DMD: variants seen among roughly 807,000 people sequenced by gnomAD.
DMD encodes dystrophin.
In DMD, 63 loss-of-function variants were observed where a neutral mutation model predicts 330.1. The observed-to-expected ratio is 0.19, with a 90% CI of 0.16 to 0.24. DMD has a LOEUF of 0.24. DMD is among the 10% of genes least tolerant of loss of function. The pLI, the probability that DMD is intolerant of heterozygous loss-of-function variation, is 1.00. For missense variants in DMD, 3,344 were observed against 2,684.1 expected (o/e 1.25, Z -5.43); for synonymous variants, 1,223 against 959.8 (o/e 1.27, Z -5.07).
chrX:32,973,528 ATG>A (rs1202988389), intron 2 of DMD, among the ~76,000 whole-genome samples: 26 of 111,828 alleles, frequency 2.3e-4, no homozygotes, highest in African/African-American at 8.1e-4. Flanking sequence ...ACCATAGAAA[ATG>A]TGTGAGTATC....
At chrX:32,200,080 T>A (rs1395233497) in intron 44 of DMD, among the ~76,000 whole-genome samples, 5 of 111,253 alleles carry the variant, frequency 4.5e-5, no homozygotes, top group Non-Finnish European at 9.4e-5. Context: ...GCTGTTTATA[T>A]ATCTGTTTTC....
chrX:32,449,791 C>T (rs897649531), intron 26 of DMD, among the ~76,000 whole-genome samples: 4 of 110,184 alleles, frequency 3.6e-5, no homozygotes, highest in African/African-American at 1.3e-4. Flanking sequence ...GTCTGTGTTC[C>T]TCCAGGGGTC....
intron 54 of DMD, among the ~76,000 whole-genome samples, chrX:31,643,974 G>A (rs1603436049): frequency 8.9e-6 from 1 of 111,889 alleles, no homozygotes; most frequent in Middle Eastern, 4.7e-3. Context: ...GTCAGTATCA[G>A]TATTTTCACC....
Position 33,125,255 on chromosome X carries a change from T to A in DMD, c.31+86027A>T, listed in dbSNP as rs903682803. Among the ~76,000 whole-genome samples, 10 of 110,774 alleles carry A rather than the reference T, an allele frequency of 9.0e-5. 1 individual carries two copies. The highest frequency in any genetic ancestry group is 5.8e-4 in the Admixed American group (6 of 10,283). The stretch of plus-strand genomic sequence containing the variant: ...TCCATCTTATCAAACTGGAATAACA[T>A]CTGAATTAAAATAATGTGACATTGT... On this transcript the variant is annotated intron_variant, in intron 1 of 78. Transcript: ENST00000357033.
intron 62 of DMD, among the ~76,000 whole-genome samples, chrX:31,323,238 G>A (rs184735111): frequency 6.3e-5 from 7 of 111,616 alleles, no homozygotes; most frequent in African/African-American, 2.0e-4. Context: ...TATCTTTGAC[G>A]GAAGAAGAAA....
chrX:32,252,773 AAT>A (rs1409033219), intron 43 of DMD, among the ~76,000 whole-genome samples: 448 of 35,613 alleles, frequency 0.013, 20 homozygotes, highest in African/African-American at 0.021. Context: ...AATATATATA[AAT>A]ATATATAAAT....
At chrX:32,173,653 G>A (rs1281683937) in intron 44 of DMD, among the ~76,000 whole-genome samples, 2 of 111,494 alleles carry the variant, frequency 1.8e-5, no homozygotes, top group African/African-American at 3.3e-5. Context: ...TTACAGGTGT[G>A]AGCCACCGCA....
At chrX:31,793,831 A>C (rs775042999) in intron 50 of DMD, among the ~76,000 whole-genome samples, 151 of 112,151 alleles carry the variant, frequency 1.3e-3, no homozygotes, top group African/African-American at 4.8e-3. Flanking sequence ...ATATTTCTTT[A>C]TTTCTCAGGC....
chrX:32,475,898 G>C (rs766246643), intron 21 of DMD, among the ~76,000 whole-genome samples: 1 of 110,844 alleles, frequency 9.0e-6, no homozygotes, highest in African/African-American at 3.3e-5. Flanking sequence ...GCTCTGGCTA[G>C]GACTTCTAGT....
At chrX:32,436,259 T>C (rs570092362) in intron 29 of DMD, among the ~76,000 whole-genome samples, 1 of 111,894 alleles carries the variant, frequency 8.9e-6, no homozygotes, top group Non-Finnish European at 1.9e-5. Context: ...TTTTATTTCC[T>C]ATTAAAAATT....
intron 55 of DMD, among the ~76,000 whole-genome samples, chrX:31,546,834 C>T (rs900980895): frequency 5.4e-5 from 6 of 112,070 alleles, no homozygotes; most frequent in African/African-American, 1.9e-4. Flanking sequence ...TCTTATTAAT[C>T]TTCATATCTC....
chrX:31,651,670 C>T (rs1332014728), intron 54 of DMD, among the ~76,000 whole-genome samples: 1 of 111,236 alleles, frequency 9.0e-6, no homozygotes, highest in Non-Finnish European at 1.9e-5. Flanking sequence ...GTTGCTCAGG[C>T]TAAAAATTCT....
At chrX:33,001,568 A>C (rs1433927033) in intron 2 of DMD, among the ~76,000 whole-genome samples, 1 of 111,768 alleles carries the variant, frequency 8.9e-6, no homozygotes, top group Non-Finnish European at 1.9e-5. Flanking sequence ...TTTTCTTTTG[A>C]AGAGAAAATG....
chrX:33,126,552 G>A (rs747575336), intron 1 of DMD, among the ~76,000 whole-genome samples: 6 of 111,838 alleles, frequency 5.4e-5, no homozygotes, highest in South Asian at 3.7e-4. Context: ...CTAATCTATC[G>A]TCTTCCAAGA....
chrX:32,513,049 G>A lies in DMD; in HGVS notation c.2292+4959C>T, dbSNP rs752771080. On this transcript the variant is annotated intron_variant, in intron 18 of 78. Transcript: ENST00000357033. ...GATATTTGGTCATTAGGCGTGGTTT[G>A]GACAATGCTATTCTTTTTTACTGTA... 6.2e-5 allele frequency among the ~76,000 whole-genome samples: 7 copies of A among 112,095 alleles called. No homozygotes were observed. In the East Asian group the frequency reaches 8.4e-4, roughly 14 times the overall value.
intron 62 of DMD, chrX:31,267,038 G>A (rs940991875): frequency 1.3e-5 from 6 of 456,296 alleles, no homozygotes; most frequent in Non-Finnish European, 2.0e-5. Flanking sequence ...CCCACCTAGG[G>A]ACCTGGGAAC....
intron 77 of DMD, 85 bp downstream of exon 77, chrX:31,134,017 A>G (rs1242955626): frequency 4.7e-6 from 4 of 857,596 alleles, no homozygotes; most frequent in Non-Finnish European, 6.9e-6. Flanking sequence ...TGGCTTCCAT[A>G]TGGAAAATAC....
chrX:33,088,246 T>C (rs1416537831), intron 1 of DMD, among the ~76,000 whole-genome samples: 1 of 110,904 alleles, frequency 9.0e-6, no homozygotes, highest in African/African-American at 3.3e-5. Flanking sequence ...GGTCTCACCA[T>C]GTTGATCAAG....
intron 29 of DMD, among the ~76,000 whole-genome samples, chrX:32,413,645 A>G (rs987896845): frequency 6.4e-5 from 7 of 109,571 alleles, no homozygotes; most frequent in African/African-American, 2.3e-4. Context: ...CTCAATAACG[A>G]ATTGGGGCTT....
Sources: allele counts gnomAD v4.1 joint callset (sites outside exome capture counted in the v4.1 genomes callset), GRCh38; gene constraint gnomAD v4.1.1; transcripts MANE v1.5; gene names NCBI Gene and HGNC (gene_info 2026-07-23, HGNC 2026-07-21).